Variants in ATP9B observed in about 807,000 individuals in gnomAD.
ATP9B encodes probable phospholipid-transporting ATPase IIB.
Under a neutral mutation model 146.1 loss-of-function variants are expected in ATP9B, and 110 were observed. The observed-to-expected ratio is 0.75, with a 90% confidence interval of 0.65 to 0.88. ATP9B has a LOEUF of 0.88. Ranked by LOEUF, ATP9B falls within the 40% of genes least tolerant of loss-of-function variation. The probability of loss-of-function intolerance (pLI) is 0.00; values close to 1 mark genes in which losing one functional copy is unlikely to be tolerated. For synonymous variants in ATP9B, 604 were observed against 569.7 expected, an observed-to-expected ratio of 1.06 and a Z score of -0.86; for missense variants, 1,499 against 1,496.4, an observed-to-expected ratio of 1.00 and a Z score of -0.03.
At chr18:79,170,115 G>T (rs1600132955) in intron 7 of ATP9B, among the ~76,000 whole-genome samples, 1 of 152,204 alleles carries the variant, frequency 6.6e-6, no homozygotes, top group Admixed American at 6.5e-5. Flanking sequence ...CAGGAGCTCT[G>T]TTCTGGCTGA....
chr18:79,371,742 C>A (rs1326339109), intron 26 of ATP9B, among the ~76,000 whole-genome samples: 2 of 152,244 alleles, frequency 1.3e-5, no homozygotes, highest in African/African-American at 4.8e-5. Flanking sequence ...ATCTTCCCTG[C>A]TGTCTTCTGT....
intron 7 of ATP9B, among the ~76,000 whole-genome samples, chr18:79,173,122 C>T (rs534919187): frequency 2.6e-5 from 4 of 152,316 alleles, no homozygotes; most frequent in African/African-American, 9.6e-5. Context: ...GCATGTTTGC[C>T]ATCCTCAGGA....
chr18:79,259,506 GA>G (rs138393038), intron 12 of ATP9B, among the ~76,000 whole-genome samples: 5,085 of 152,346 alleles, frequency 0.033, 141 homozygotes, highest in Non-Finnish European at 0.052. Context: ...TGAGAACACT[GA>G]AGAACCTCTT....
chr18:79,287,033 A>C (rs2096450825), intron 13 of ATP9B, among the ~76,000 whole-genome samples: 2 of 152,194 alleles, frequency 1.3e-5, no homozygotes, highest in African/African-American at 4.8e-5. Context: ...TATTTTATTG[A>C]GGATGCTTGC....
intron 25 of ATP9B, among the ~76,000 whole-genome samples, chr18:79,349,613 G>A (rs553576642): frequency 1.3e-5 from 2 of 152,292 alleles, no homozygotes; most frequent in African/African-American, 4.8e-5. Context: ...CACAATTTTA[G>A]CAAAATACAG....
chr18:79,225,869 G>A (rs558457195), intron 11 of ATP9B, among the ~76,000 whole-genome samples: 1 of 149,002 alleles, frequency 6.7e-6, no homozygotes, highest in African/African-American at 2.5e-5. Flanking sequence ...GGCGGCCACT[G>A]TCTTCAGCGT....
chr18:79,144,089 G>T, intron 6 of ATP9B: 2 of 337,770 alleles, frequency 5.9e-6, no homozygotes, highest in Non-Finnish European at 1.1e-5. Context: ...GAAATAAGAT[G>T]GTTAACTGCT....
At chr18:79,253,631 C>T in intron 12 of ATP9B, 90 bp downstream of exon 12, 2 of 1,337,188 alleles carry the variant, frequency 1.5e-6, no homozygotes, top group Non-Finnish European at 2.0e-6. Flanking sequence ...AAGAAATTAC[C>T]CAAACAAAGC....
chr18:79,231,832 G>C (rs1418497755), intron 11 of ATP9B, among the ~76,000 whole-genome samples: 3 of 145,084 alleles, frequency 2.1e-5, no homozygotes, highest in Non-Finnish European at 4.5e-5. Flanking sequence ...ATACTGCTCA[G>C]CCATAAGAAG....
intron 9 of ATP9B, among the ~76,000 whole-genome samples, chr18:79,205,046 G>A (rs1010147525): frequency 1.3e-5 from 2 of 152,144 alleles, no homozygotes; most frequent in African/African-American, 2.4e-5. Flanking sequence ...GTGAAGGGAC[G>A]TGGTGGAAGG....
At chr18:79,366,641 C>A (rs2097031091) in intron 26 of ATP9B, among the ~76,000 whole-genome samples, 1 of 152,220 alleles carries the variant, frequency 6.6e-6, no homozygotes, top group Non-Finnish European at 1.5e-5. Context: ...CATGTGTGAG[C>A]ATGACTTAGT....
chr18:79,082,528 T>G (rs1338833212), intron 1 of ATP9B, among the ~76,000 whole-genome samples: 2 of 152,262 alleles, frequency 1.3e-5, no homozygotes, highest in Non-Finnish European at 2.9e-5. Context: ...TGGTTTTTCC[T>G]TATCTTCGTG....
chr18:79,329,866 G>A (rs937422969), intron 16 of ATP9B, 146 bp from the exon 17 acceptor site: 38 of 691,232 alleles, frequency 5.5e-5, no homozygotes, highest in South Asian at 8.8e-5. Context: ...CTAGCCCTCC[G>A]CGTAGAAACA....
rs762127816 is a variant in ATP9B, at chr18:79,143,889, C to A, written c.726+29C>A. 5.8e-6 allele frequency: 8 copies of A among 1,375,436 alleles called. No homozygotes were observed. In the African/African-American group the frequency reaches 1.0e-4, roughly 18 times the overall value. 85.2% of individuals were successfully genotyped at this position (1,375,436 alleles called of 1,614,324 possible). On this transcript the variant is annotated intron_variant, in intron 6 of 29. Transcript: ENST00000426216. ...GATGATTTTTTAATATATTTTAGAC[C>A]TATGTATGCTAGTTATTAATGTTTA...
At chr18:79,310,161 A>C (rs1243435229) in intron 15 of ATP9B, among the ~76,000 whole-genome samples, 1 of 152,180 alleles carries the variant, frequency 6.6e-6, no homozygotes, top group Non-Finnish European at 1.5e-5. Flanking sequence ...TACATCTTGC[A>C]GCAGAGACTC....
chr18:79,122,864 G>A (rs868131918), intron 4 of ATP9B, among the ~76,000 whole-genome samples: 9 of 152,034 alleles, frequency 5.9e-5, no homozygotes, highest in Non-Finnish European at 7.4e-5. Context: ...CTTGTTACCA[G>A]CTTTGAAGAA....
rs2097110497 is a variant in ATP9B at position 79,377,920 on chromosome 18, TG to T, written c.*538del. 2 of 153,708 alleles carry T rather than the reference TG, an allele frequency of 1.3e-5. No individual in the cohort carries two copies. Among genetic ancestry groups the T allele is most frequent in the Non-Finnish European group, 2.9e-5 (2 of 68,978 alleles). 9.5% of individuals were successfully genotyped at this position (153,708 alleles called of 1,614,324 possible). A position where few individuals can be genotyped will look rare whatever the true frequency, so the allele number is the denominator to read the frequency against. On this transcript the variant is annotated 3_prime_UTR_variant, in exon 30 of 30. Transcript: ENST00000426216. ...TCACCCCTGCTTTTCTTTCTTTTTT[TG>T]TATTGTCAAAATTGTATTTCCATAT...
intron 13 of ATP9B, among the ~76,000 whole-genome samples, chr18:79,289,798 T>C (rs536742034): frequency 6.3e-4 from 96 of 152,340 alleles, no homozygotes; most frequent in African/African-American, 2.0e-3. Context: ...TTGGTGTGGA[T>C]GTCCTTTCTG....
intron 7 of ATP9B, among the ~76,000 whole-genome samples, chr18:79,166,829 T>C: frequency 6.6e-6 from 1 of 152,152 alleles, no homozygotes; most frequent in Admixed American, 6.5e-5. Flanking sequence ...CAGCAGGCTT[T>C]GCTTAGCTTG....
Sources: allele counts gnomAD v4.1 joint callset (sites outside exome capture counted in the v4.1 genomes callset), GRCh38; gene constraint gnomAD v4.1.1; transcripts MANE v1.5; gene names NCBI Gene and HGNC (gene_info 2026-07-23, HGNC 2026-07-21).